Variants in KCNMA1 observed in about 807,000 individuals in gnomAD.
KCNMA1 encodes the protein Calcium-activated potassium channel subunit alpha-1.
In KCNMA1, 29 loss-of-function variants were observed where a neutral mutation model predicts 140.0. That is an observed-to-expected ratio of 0.21 (90% confidence interval 0.15 to 0.28). KCNMA1 has a LOEUF of 0.28. KCNMA1 is among the 10% of genes least tolerant of loss of function. The pLI is 1.00. For missense variants in KCNMA1, 880 were observed against 1,602.2 expected, an observed-to-expected ratio of 0.55 and a Z score of 7.70; for synonymous variants, 612 against 611.9, an observed-to-expected ratio of 1.00 and a Z score of 0.00.
chr10:77,382,865 C>CAAAA (rs767673552), intron 2 of KCNMA1, among the ~76,000 whole-genome samples: 29 of 47,600 alleles, frequency 6.1e-4, no homozygotes, highest in Non-Finnish European at 7.2e-4. Flanking sequence ...AGCTCCGTCT[C>CAAAA]AAAAAAAAAA....
chr10:77,084,833 A>C (rs2096657328), intron 11 of KCNMA1, 114 bp from the exon 12 acceptor site: 4 of 761,012 alleles, frequency 5.3e-6, no homozygotes, highest in Non-Finnish European at 2.3e-6. Flanking sequence ...AAAAAAAAAA[A>C]CAATCCTGAG....
At chr10:77,603,724 C>T (rs972239259) in intron 1 of KCNMA1, among the ~76,000 whole-genome samples, 1 of 152,160 alleles carries the variant, frequency 6.6e-6, no homozygotes. Context: ...CACAACCCAG[C>T]CCCCAGGGCT....
chr10:77,570,057 G>A (rs951096274), intron 1 of KCNMA1, among the ~76,000 whole-genome samples: 4 of 151,586 alleles, frequency 2.6e-5, no homozygotes, highest in Admixed American at 6.6e-5. Flanking sequence ...ACACCAGTTC[G>A]AATGGCAATC....
intron 1 of KCNMA1, among the ~76,000 whole-genome samples, chr10:77,590,235 C>G (rs2078614434): frequency 6.6e-6 from 1 of 152,258 alleles, no homozygotes; most frequent in South Asian, 2.1e-4. Context: ...GGATCCCGCA[C>G]CGGGGCCGCA....
chr10:76,882,430 C>T (rs115856397), downstream of KCNMA1, among the ~76,000 whole-genome samples: 1,005 of 152,214 alleles, frequency 6.6e-3, 9 homozygotes, highest in African/African-American at 0.023. Context: ...TCCTGTCCCG[C>T]GCTTGTGATA....
chr10:76,883,070 G>A (rs934760131), downstream of KCNMA1, among the ~76,000 whole-genome samples: 3 of 152,136 alleles, frequency 2.0e-5, no homozygotes, highest in Non-Finnish European at 2.9e-5. Context: ...CCAGACAAAA[G>A]CTTTTTCTGG....
chr10:77,390,434 G>A lies in KCNMA1; in HGVS notation c.540+13428C>T, dbSNP rs139066250. 3.8e-3 allele frequency among the ~76,000 whole-genome samples: 578 copies of A among 152,298 alleles called. 5 individuals are homozygous for A. Among genetic ancestry groups the A allele is most frequent in the African/African-American group, 0.011 (465 of 41,564 alleles). On this transcript the variant is annotated intron_variant, in intron 2 of 27. Coordinates refer to ENST00000286628, the MANE Select transcript of KCNMA1 (RefSeq NM_001161352.2). ...CTGATGATCTGAGCTTTTTCCTGGAGAGATCTCAGGTGGCCAAGAAACCAA... is the reference window on the plus strand; with the variant it reads ...CTGATGATCTGAGCTTTTTCCTGGAAAGATCTCAGGTGGCCAAGAAACCAA...
rs531678114 is a variant in KCNMA1, at chr10:77,312,281, A to C, written c.541-61025T>G. 1.7e-4 allele frequency among the ~76,000 whole-genome samples: 26 copies of C among 152,344 alleles called. No individual in the cohort carries two copies. In the East Asian group the frequency reaches 4.6e-3, roughly 27 times the overall value. On this transcript the variant is annotated intron_variant, in intron 2 of 27. Coordinates refer to ENST00000286628, the MANE Select transcript of KCNMA1 (RefSeq NM_001161352.2). ...CTGATTGACCAAAAGTGGAAAGAGG[A>C]GTGTAGCATGAGAGAAGGGAAGAGA...
intron 1 of KCNMA1, among the ~76,000 whole-genome samples, chr10:77,600,042 C>A (rs1471696389): frequency 6.6e-6 from 1 of 152,236 alleles, no homozygotes; most frequent in African/African-American, 2.4e-5. Context: ...TCACCCTGAG[C>A]ATACGCTGTG....
intron 5 of KCNMA1, among the ~76,000 whole-genome samples, chr10:77,132,655 C>T (rs2097890441): frequency 6.6e-6 from 1 of 151,818 alleles, no homozygotes; most frequent in Non-Finnish European, 1.5e-5. Context: ...TAAATCCAAG[C>T]ATATTGTGGA....
chr10:77,319,289 CA>C (rs1311404442), intron 2 of KCNMA1, among the ~76,000 whole-genome samples: 1 of 152,134 alleles, frequency 6.6e-6, no homozygotes, highest in Admixed American at 6.5e-5. Flanking sequence ...GCCATTGCTC[CA>C]GATACAAGCA....
At chr10:77,464,396 G>A (rs1217605966) in intron 1 of KCNMA1, among the ~76,000 whole-genome samples, 5 of 152,010 alleles carry the variant, frequency 3.3e-5, no homozygotes, top group Non-Finnish European at 7.4e-5. Context: ...ATCCTTGAAG[G>A]ACACACTGCA....
At chr10:77,563,178 A>G (rs2066968266) in intron 1 of KCNMA1, among the ~76,000 whole-genome samples, 2 of 152,138 alleles carry the variant, frequency 1.3e-5, no homozygotes, top group African/African-American at 4.8e-5. Flanking sequence ...TCAAAAGCTC[A>G]AGCTTTCCAA....
chr10:77,636,304 T>C lies in KCNMA1; in HGVS notation c.378+961A>G, dbSNP rs1460849296. On this transcript the variant is annotated intron_variant, in intron 1 of 27. Coordinates refer to ENST00000286628, the MANE Select transcript of KCNMA1 (RefSeq NM_001161352.2). The stretch of plus-strand genomic sequence containing the variant: ...GGGAAGACATCTCTAGGGACACGAC[T>C]ACAGACCAGGCAGTGAGCCTAGCAA... 5.3e-6 allele frequency: 8 copies of C among 1,502,224 alleles called. No individual in the cohort carries two copies. The East Asian group carries it at 2.0e-4, about 37-fold the overall frequency. 93.1% of individuals were successfully genotyped at this position (1,502,224 alleles called of 1,614,324 possible).
chr10:77,144,508 C>A (rs1165372861), intron 5 of KCNMA1, among the ~76,000 whole-genome samples: 3 of 152,120 alleles, frequency 2.0e-5, no homozygotes, highest in Non-Finnish European at 4.4e-5. Flanking sequence ...GGATGACAGA[C>A]CATTTTACAG....
At chr10:77,011,110 G>A (rs553663366) in intron 18 of KCNMA1, among the ~76,000 whole-genome samples, 1 of 152,232 alleles carries the variant, frequency 6.6e-6, no homozygotes, top group South Asian at 2.1e-4. Flanking sequence ...GCTTTTAAAA[G>A]ACTAACTCAC....
intron 1 of KCNMA1, among the ~76,000 whole-genome samples, chr10:77,407,089 T>C (rs1472527654): frequency 1.3e-5 from 2 of 152,232 alleles, no homozygotes; most frequent in African/African-American, 4.8e-5. Context: ...TACTTTATGA[T>C]AGGCAAGGAA....
In KCNMA1 at chr10:76,997,960, G is replaced by A. The variant is rs535397044; in HGVS notation, c.2266+3447C>T. 5.3e-5 allele frequency among the ~76,000 whole-genome samples: 8 copies of A among 152,178 alleles called. No individual in the cohort carries two copies. The South Asian group carries it at 6.2e-4, about 12-fold the overall frequency. On this transcript the variant is annotated intron_variant, in intron 19 of 27. Coordinates refer to ENST00000286628, the MANE Select transcript of KCNMA1 (RefSeq NM_001161352.2). Reference sequence around the variant, plus strand: ...AATCCTTTTGTGATGAATCCTTATCGGTCACAATTTGCCTTACTTTTCTGA... The same window carrying A: ...AATCCTTTTGTGATGAATCCTTATCAGTCACAATTTGCCTTACTTTTCTGA...
At chr10:76,931,614 A>T (rs958855434) in intron 23 of KCNMA1, among the ~76,000 whole-genome samples, 3 of 152,064 alleles carry the variant, frequency 2.0e-5, no homozygotes, top group African/African-American at 7.2e-5. Context: ...TCACTTCACC[A>T]ACATCAGGGC....
Sources: gnomAD v4.1 joint callset for allele counts (sites outside exome capture counted in the v4.1 genomes callset) on GRCh38, gnomAD v4.1.1 for gene constraint, MANE v1.5 for transcripts, NCBI Gene and HGNC (gene_info 2026-07-23, HGNC 2026-07-21) for gene names.